Variants in PCDHA1 observed in about 807,000 individuals in gnomAD.
The protein encoded by PCDHA1 is protocadherin alpha-1.
A neutral mutation model predicts 61.3 loss-of-function variants in PCDHA1; 42 were observed. The ratio of observed to expected loss-of-function variants is 0.69; its 90% CI spans 0.54 to 0.89. The LOEUF (loss-of-function observed/expected upper bound fraction) is 0.89. Among genes scored for constraint, PCDHA1 ranks in the 40% least tolerant of loss-of-function variants. The probability of loss-of-function intolerance (pLI) is 0.00; values close to 1 mark genes in which losing one functional copy is unlikely to be tolerated. For missense variants in PCDHA1, 1,256 were observed against 1,235.3 expected (o/e 1.02, Z -0.25); for synonymous variants, 610 against 553.8 (o/e 1.10, Z -1.43).
intron 1 of PCDHA1, chr5:140,875,879 G>A: frequency 6.2e-7 from 1 of 1,614,214 alleles, no homozygotes. Context: ...TTCAGAGAAA[G>A]GGAACAAAAG....
chr5:141,007,377 A>C (rs13186204), intron 3 of PCDHA1, among the ~76,000 whole-genome samples: 7,611 of 136,554 alleles, frequency 0.056, 239 homozygotes, highest in South Asian at 0.11. Flanking sequence ...ATGATGGAAC[A>C]CCATCTCTAC....
intron 1 of PCDHA1, chr5:140,835,626 C>T: frequency 6.2e-6 from 10 of 1,613,880 alleles, no homozygotes; most frequent in Admixed American, 1.7e-5. Context: ...CGCTCTGGAC[C>T]GCGAGAGTGT....
intron 1 of PCDHA1, chr5:140,853,385 A>C (rs2042733783): frequency 3.0e-6 from 3 of 986,050 alleles, no homozygotes; most frequent in Non-Finnish European, 3.7e-6. Flanking sequence ...AATTCAAAAC[A>C]GCCTGTCAAG....
rs550197512 is a variant in PCDHA1, at chr5:140,883,885, C to G, written c.2395-95064C>G. On this transcript the variant is annotated intron_variant, in intron 1 of 3. Coordinates refer to ENST00000504120, the MANE Select transcript of PCDHA1 (RefSeq NM_018900.4). ...TGCAGTTCCAGGTGAGCGCGCGCGA[C>G]TCTGGCGTGCCGCCTCTGGGCAGCA... The G allele has an allele frequency of 6.1e-5, 99 of 1,613,382 alleles. No homozygotes were observed. Among genetic ancestry groups the G allele is most frequent in the East Asian group, 1.6e-4 (7 of 44,866 alleles).
chr5:140,995,113 A>G (rs560699104), intron 3 of PCDHA1, among the ~76,000 whole-genome samples: 68 of 152,252 alleles, frequency 4.5e-4, no homozygotes, highest in Non-Finnish European at 8.4e-4. Flanking sequence ...CAAGACCCTC[A>G]GTGGATGCCT....
At chr5:140,836,762 C>G (rs2150269461) in intron 1 of PCDHA1, 3 of 1,567,538 alleles carry the variant, frequency 1.9e-6, no homozygotes, top group Non-Finnish European at 2.6e-6. Context: ...AATCTTGTTT[C>G]CAACAATTTT....
intron 1 of PCDHA1, chr5:140,841,605 T>A: frequency 6.2e-7 from 1 of 1,614,126 alleles, no homozygotes; most frequent in Non-Finnish European, 8.5e-7. Context: ...CGCGAGGAGC[T>A]GTGCGGGCGG....
At chr5:140,993,321 G>A (rs1021026330) in intron 3 of PCDHA1, among the ~76,000 whole-genome samples, 58 of 152,134 alleles carry the variant, frequency 3.8e-4, no homozygotes, top group African/African-American at 5.3e-4. Context: ...TACCTTCTAA[G>A]TGTTTGTGAT....
chr5:140,964,847 C>T (rs2095858231), intron 1 of PCDHA1, among the ~76,000 whole-genome samples: 1 of 152,124 alleles, frequency 6.6e-6, no homozygotes, highest in African/African-American at 2.4e-5. Flanking sequence ...ACTCTGTACC[C>T]TTGAGGAAAC....
Position 140,797,252 on chromosome 5 carries a change from A to AC in PCDHA1, c.2394+8575dup, listed in dbSNP as rs558931090. Reference sequence around the variant, plus strand: ...CGGCAGAGGGTGTGCTCTGGGGAGGACCCCCCCAAGACGGACCTCATGGCC... The same window carrying AC: ...CGGCAGAGGGTGTGCTCTGGGGAGGACCCCCCCCAAGACGGACCTCATGGCC... On this transcript the variant is annotated intron_variant, in intron 1 of 3. Coordinates refer to ENST00000504120, the MANE Select transcript of PCDHA1 (RefSeq NM_018900.4). 2.9e-4 allele frequency: 466 copies of AC among 1,613,092 alleles called. 1 individual carries two copies. The highest frequency in any genetic ancestry group is 2.2e-3 in the African/African-American group (166 of 74,636).
Position 140,786,414 on chromosome 5 carries a change from G to T in PCDHA1, c.124G>T (p.Gly42Cys), listed in dbSNP as rs201197802. The part of the protein sequence containing the change: ...HYSIPEEAKH[G>C]TFVGRVAQDL... ...CTCGATCCCGGAGGAAGCCAAACAC[G>T]GCACCTTCGTTGGCCGCGTTGCTCA... is the stretch of plus-strand genomic sequence containing the variant. Residue 42 changes from glycine to cysteine, a missense_variant, in exon 1 of 4, where the codon GGC becomes TGC. Physicochemically the swap from Gly to Cys is radical, Grantham distance 159. Coordinates refer to ENST00000504120, the MANE Select transcript of PCDHA1 (RefSeq NM_018900.4). 2.5e-6 allele frequency: 4 copies of T among 1,613,346 alleles called. No individual in the cohort carries two copies. The highest frequency in any genetic ancestry group is 1.8e-4 in the Middle Eastern group (1 of 5,478).
At chr5:140,978,048 C>T (rs2096787371) in intron 1 of PCDHA1, among the ~76,000 whole-genome samples, 1 of 152,146 alleles carries the variant, frequency 6.6e-6, no homozygotes, top group African/African-American at 2.4e-5. Flanking sequence ...GTGATGGTGA[C>T]TGATGATGTC....
rs2150353014 is a variant in PCDHA1 at position 140,843,115 on chromosome 5, C to T, written c.2394+54431C>T. 5.0e-6 allele frequency: 8 copies of T among 1,595,710 alleles called. 2 individuals carry two copies. Among genetic ancestry groups the T allele is most frequent in the African/African-American group, 2.7e-5 (2 of 74,438 alleles). On this transcript the variant is annotated intron_variant, in intron 1 of 3. Transcript: ENST00000504120. ...TGGTAGCGAAGGTGCGCGCAGTGGA[C>T]GCCGACTCGGGCTACAACGCGTGGC...
intron 1 of PCDHA1, chr5:140,875,559 C>A (rs1554167755): frequency 6.2e-7 from 1 of 1,614,138 alleles, no homozygotes; most frequent in Admixed American, 1.7e-5. Flanking sequence ...TGGGGAGCGG[C>A]CAGCTCCACT....
intron 1 of PCDHA1, chr5:140,835,026 A>G: frequency 1.5e-6 from 2 of 1,336,268 alleles, no homozygotes; most frequent in Non-Finnish European, 2.0e-6. Context: ...GCTCACGGCC[A>G]CCGATGGAGG....
At chr5:140,853,965 C>A (rs1349706249) in intron 1 of PCDHA1, 2 of 649,666 alleles carry the variant, frequency 3.1e-6, no homozygotes, top group African/African-American at 2.0e-5. Context: ...TTGAGCCCAG[C>A]AGTTTGAGAC....
rs1169646324 is a variant in PCDHA1 at position 141,011,134 on chromosome 5, ATACACAACCT to A, written c.*1199_*1208del. The A allele has an allele frequency of 6.5e-6, 1 of 153,688 alleles. No homozygotes were observed. Among genetic ancestry groups the A allele is most frequent in the East Asian group, 1.9e-4 (1 of 5,194 alleles). The allele number at this position is 153,688 out of a possible 1,614,324, so 9.5% of individuals were successfully genotyped here. ...CTAAGAAACAATTATGTGCACTTTG[ATACACAACCT>A]TCTCTAACCAACTATATATCAAGAC... On this transcript the variant is annotated 3_prime_UTR_variant, in exon 4 of 4. Transcript: ENST00000504120.
Position 140,786,651 on chromosome 5 carries a change from G to A in PCDHA1, c.361G>A (p.Val121Met). ...DRPLQVFHVE[V>M]KVKDINDNPP... ...GCCGCTGCAGGTTTTCCATGTGGAG[G>A]TGAAGGTGAAAGACATTAACGATAA... The change falls in exon 1 of 4, where the codon GTG becomes ATG. Residue 121 changes from valine to methionine, a missense_variant. By Grantham distance (21) the Val-to-Met change is conservative (BLOSUM62 1). Transcript: ENST00000504120. The A allele has an allele frequency of 1.2e-6, 2 of 1,614,278 alleles. No homozygotes were observed. The highest frequency in any genetic ancestry group is 8.5e-7 in the Non-Finnish European group (1 of 1,180,052).
chr5:140,817,956 G>C (rs1766244788), intron 1 of PCDHA1, among the ~76,000 whole-genome samples: 1 of 152,142 alleles, frequency 6.6e-6, no homozygotes, highest in African/African-American at 2.4e-5. Flanking sequence ...TGTTCAATTA[G>C]TGTGTCTTTT....
Sources: gnomAD v4.1 joint callset for allele counts (sites outside exome capture counted in the v4.1 genomes callset) on GRCh38, gnomAD v4.1.1 for gene constraint, MANE v1.5 for transcripts, NCBI Gene and HGNC (gene_info 2026-07-23, HGNC 2026-07-21) for gene names.